The following SCARB1 variants were observed in gnomAD, a reference collection of about 807,000 sequenced individuals.
SCARB1 encodes CD36 and LIMPII analogous 1.
Under a neutral mutation model 57.2 loss-of-function variants are expected in SCARB1, and 30 were observed. The observed-to-expected ratio is 0.52, with a 90% CI of 0.39 to 0.71. SCARB1 has a LOEUF of 0.71. SCARB1 is among the 30% of genes least tolerant of loss of function. SCARB1 has a pLI of 0.00. For missense variants in SCARB1, 543 were observed against 671.2 expected (o/e 0.81, Z 2.11); for synonymous variants, 249 against 268.3 (o/e 0.93, Z 0.70).
At chr12:124,821,360 T>C in intron 1 of SCARB1, 1 of 985,146 alleles carries the variant, frequency 1.0e-6, no homozygotes, top group Non-Finnish European at 1.2e-6. Context: ...TGGAGATACC[T>C]TTCTCCTTTG....
At chr12:124,788,224 CTT>C (rs897883522) in intron 9 of SCARB1, among the ~76,000 whole-genome samples, 6 of 152,164 alleles carry the variant, frequency 3.9e-5, no homozygotes, top group Non-Finnish European at 8.8e-5. Context: ...TGAAAATAAT[CTT>C]TTTAAACTAA....
At chr12:124,803,777 TGG>T (rs1287378922) in intron 7 of SCARB1, among the ~76,000 whole-genome samples, 1 of 149,540 alleles carries the variant, frequency 6.7e-6, no homozygotes, top group Non-Finnish European at 1.5e-5. Flanking sequence ...CCCAGCTACC[TGG>T]GAGGCTGAGG....
rs1458301467 is a variant in SCARB1, at chr12:124,814,127, AC to A, written c.630+74del. The A allele has an allele frequency of 1.3e-4, 175 of 1,377,484 alleles. No homozygotes were observed. Among genetic ancestry groups the A allele is most frequent in the Admixed American group, 2.2e-4 (13 of 59,708 alleles). The allele number at this position is 1,377,484 out of a possible 1,614,324, so 85.3% of individuals were successfully genotyped here. A position where few individuals can be genotyped will look rare whatever the true frequency, so the allele number is the denominator to read the frequency against. ...CAGCCAGCTACAAAGCAAGCTGGTG[AC>A]CAGTGTCCAGGCTGTGTGAGGGGAA... On this transcript the variant is annotated intron_variant, in intron 4 of 12. Coordinates refer to ENST00000261693, the MANE Select transcript of SCARB1 (RefSeq NM_005505.5). This position sits in a 1 kb window ranked among gnomAD's most constrained non-coding sequence, Gnocchi z 4.7.
At chr12:124,816,024 CCT>C in intron 2 of SCARB1, among the ~76,000 whole-genome samples, 1 of 149,870 alleles carries the variant, frequency 6.7e-6, no homozygotes, top group African/African-American at 2.5e-5. Flanking sequence ...GCCGCACAGG[CCT>C]CTGTCCCAGC....
intron 9 of SCARB1, among the ~76,000 whole-genome samples, chr12:124,792,244 G>A (rs941636940): frequency 6.6e-6 from 1 of 152,096 alleles, no homozygotes; most frequent in Non-Finnish European, 1.5e-5. Flanking sequence ...TCTGCTTCCC[G>A]GCAGCTGTGT....
intron 1 of SCARB1, among the ~76,000 whole-genome samples, chr12:124,837,468 A>AAGGAAGG (rs1566230970): frequency 3.3e-5 from 4 of 121,528 alleles, no homozygotes; most frequent in Admixed American, 1.8e-4. Flanking sequence ...GGAAAGAAAG[A>AAGGAAGG]AAGAAAGGAA....
chr12:124,821,439 C>T (rs1049924108), intron 1 of SCARB1: 1 of 985,224 alleles, frequency 1.0e-6, no homozygotes, highest in Non-Finnish European at 1.2e-6. Flanking sequence ...AGGGCTAAAC[C>T]AAGAAGTCAT....
intron 1 of SCARB1, chr12:124,839,176 A>T (rs1951810703): frequency 2.3e-6 from 1 of 441,408 alleles, no homozygotes; most frequent in African/African-American, 2.0e-5. Context: ...TTCATCTTGC[A>T]AAAGTGAAAC....
intron 1 of SCARB1, among the ~76,000 whole-genome samples, chr12:124,826,653 T>A (rs1192689998): frequency 6.6e-6 from 1 of 151,986 alleles, no homozygotes; most frequent in Non-Finnish European, 1.5e-5. Context: ...AGAGACAAGG[T>A]CTCACTATGT....
chr12:124,787,678 A>T (rs1243271939), intron 9 of SCARB1, among the ~76,000 whole-genome samples: 2 of 152,156 alleles, frequency 1.3e-5, no homozygotes, highest in African/African-American at 4.8e-5. Context: ...ATACTTGTAA[A>T]TAAGACTAAC....
intron 1 of SCARB1, among the ~76,000 whole-genome samples, chr12:124,848,192 T>C (rs1952240861): frequency 6.6e-6 from 1 of 152,184 alleles, no homozygotes. Context: ...CAAGCGATTC[T>C]CCTGCCTCAG....
At chr12:124,824,011 A>T (rs10846741) in intron 1 of SCARB1, among the ~76,000 whole-genome samples, 64,025 of 149,254 alleles carry the variant, frequency 0.43, 14,806 homozygotes, top group Non-Finnish European at 0.52. Context: ...TTAAAAAAAA[A>T]ATATATACAA....
At chr12:124,850,846 G>T (rs1397427559) in intron 1 of SCARB1, among the ~76,000 whole-genome samples, 1 of 152,188 alleles carries the variant, frequency 6.6e-6, no homozygotes, top group Non-Finnish European at 1.5e-5. Flanking sequence ...AAGCTACCTG[G>T]GGGCAAAGGG....
intron 1 of SCARB1, among the ~76,000 whole-genome samples, chr12:124,844,846 T>G (rs1167878451): frequency 6.7e-6 from 1 of 148,760 alleles, no homozygotes; most frequent in East Asian, 2.0e-4. Context: ...GACAGAGTCC[T>G]GCTCTGTTGC....
intron 1 of SCARB1, among the ~76,000 whole-genome samples, chr12:124,843,096 C>G (rs1951972522): frequency 6.6e-6 from 1 of 152,198 alleles, no homozygotes; most frequent in African/African-American, 2.4e-5. Flanking sequence ...GTGATCTTTC[C>G]AGAAGGCTGA....
At position 124,812,017 on chromosome 12, in the gene SCARB1, C is replaced by T. The variant is rs755909827; in HGVS notation, c.631-52G>A. 40 of 1,401,586 alleles carry T rather than the reference C, an allele frequency of 2.9e-5. 1 individual carries two copies. Among genetic ancestry groups the T allele is most frequent in the Middle Eastern group, 3.5e-4 (2 of 5,634 alleles). The allele number at this position is 1,401,586 out of a possible 1,614,324, so 86.8% of individuals were successfully genotyped here. ...GTAAGGCTTAGGCCTGCCATTGAGC[C>T]GGCCTGGTCTGAACATTCTGGGCTG... On this transcript the variant is annotated intron_variant, in intron 4 of 12. Transcript: ENST00000261693. The surrounding 1 kb of genome is among the most constrained non-coding windows in gnomAD (Gnocchi z 4.3).
intron 1 of SCARB1, among the ~76,000 whole-genome samples, chr12:124,834,825 T>C (rs1161332785): frequency 6.6e-6 from 1 of 152,128 alleles, no homozygotes; most frequent in Middle Eastern, 3.2e-3. Flanking sequence ...GGAGGATTGC[T>C]TGGGCCCAGA....
intron 8 of SCARB1, among the ~76,000 whole-genome samples, chr12:124,797,523 G>A (rs1949983874): frequency 6.6e-6 from 1 of 152,222 alleles, no homozygotes; most frequent in Non-Finnish European, 1.5e-5. Context: ...CTCATCTGGA[G>A]GTAGAATTGG....
chr12:124,797,859 G>A (rs1005360522), intron 8 of SCARB1, among the ~76,000 whole-genome samples: 1 of 152,216 alleles, frequency 6.6e-6, no homozygotes, highest in Non-Finnish European at 1.5e-5. Context: ...ATGGAGCTTC[G>A]GGAAGGGCCT....
Sources: allele counts gnomAD v4.1 joint callset (sites outside exome capture counted in the v4.1 genomes callset), GRCh38; gene constraint gnomAD v4.1.1; non-coding constraint Gnocchi (gnomAD v3.1); transcripts MANE v1.5; gene names NCBI Gene and HGNC (gene_info 2026-07-23, HGNC 2026-07-21).